Variants in CORO2A observed in about 807,000 individuals in gnomAD.
CORO2A encodes the protein coronin 2A.
In CORO2A, 47 loss-of-function variants were observed where a neutral mutation model predicts 62.4. That is an observed-to-expected ratio of 0.75 (90% confidence interval 0.60 to 0.96). The LOEUF is 0.96. Ranked by LOEUF, CORO2A falls within the 40% of genes least tolerant of loss-of-function variation. The pLI is 0.00. For synonymous variants in CORO2A, 273 were observed against 268.9 expected (o/e 1.02, Z -0.15); for missense variants, 610 against 684.1 (o/e 0.89, Z 1.21).
At chr9:98,173,867 A>G (rs1483499509) in intron 1 of CORO2A, among the ~76,000 whole-genome samples, 2 of 152,216 alleles carry the variant, frequency 1.3e-5, no homozygotes, top group East Asian at 1.9e-4. Context: ...CTGTAATCTC[A>G]GCACTTTGGG....
At position 98,121,506 on chromosome 9, in the gene CORO2A, TC is replaced by T. The variant is rs1827244987; in HGVS notation, c.*3267del. On this transcript the variant is annotated 3_prime_UTR_variant, in exon 12 of 12. Transcript: ENST00000375077. The stretch of plus-strand genomic sequence containing the variant: ...CTGTGAAATAATTTAAATAATTTAT[TC>T]TAGATGTAAAAATAATAATACAAAA... 6.6e-6 allele frequency: 1 copy of T among 152,242 alleles called. No homozygotes were observed. The highest frequency in any genetic ancestry group is 2.4e-5 in the African/African-American group (1 of 41,456). The allele number at this position is 152,242 out of a possible 1,614,324, so 9.4% of individuals were successfully genotyped here. A position where few individuals can be genotyped will look rare whatever the true frequency, so the allele number is the denominator to read the frequency against.
Position 98,128,600 on chromosome 9 carries a change from C to T in CORO2A, c.1080+7G>A. The T allele has an allele frequency of 6.2e-7, 1 of 1,612,900 alleles. No homozygotes were observed. ...CCTGCCTCCCATGCGGTCCCGACTG[C>T]CCTTACCCGCCGGGGCACAATCATG... On this transcript the variant is annotated splice_region_variant and intron_variant, in intron 9 of 11. Coordinates refer to ENST00000375077, the MANE Select transcript of CORO2A (RefSeq NM_052820.4).
At chr9:98,128,456 C>G (rs117118825) in intron 9 of CORO2A, 151 bp downstream of exon 9, 10,884 of 764,480 alleles carry the variant, frequency 0.014, 165 homozygotes, top group Middle Eastern at 0.024. Context: ...GGACTCCTGA[C>G]GCCCACTGAT....
intron 2 of CORO2A, among the ~76,000 whole-genome samples, chr9:98,156,235 T>A (rs1429231090): frequency 6.6e-6 from 1 of 152,140 alleles, no homozygotes; most frequent in Non-Finnish European, 1.5e-5. Flanking sequence ...AGATGGGGTT[T>A]CACCATGTTG....
intron 1 of CORO2A, among the ~76,000 whole-genome samples, chr9:98,190,554 G>A (rs117406970): frequency 0.012 from 1,821 of 152,274 alleles, 19 homozygotes; most frequent in Non-Finnish European, 0.02. Context: ...CCCCTCTGGC[G>A]ACAGGGGATG....
intron 7 of CORO2A, 49 bp downstream of exon 7, chr9:98,130,906 C>G (rs549955792): frequency 6.7e-7 from 1 of 1,482,962 alleles, no homozygotes; most frequent in Non-Finnish European, 9.3e-7. Context: ...TGCTGTCTGC[C>G]GCTGTCTCAG....
intron 2 of CORO2A, among the ~76,000 whole-genome samples, chr9:98,139,828 T>C (rs1299360171): frequency 6.6e-6 from 1 of 152,164 alleles, no homozygotes; most frequent in Non-Finnish European, 1.5e-5. Context: ...AATTTTCTGG[T>C]ATGTGAATTC....
chr9:98,160,544 C>G (rs1262668316), intron 1 of CORO2A, among the ~76,000 whole-genome samples: 1 of 152,170 alleles, frequency 6.6e-6, no homozygotes, highest in East Asian at 1.9e-4. Context: ...GAAATGGGTA[C>G]TGGGGGTCCC....
intron 1 of CORO2A, among the ~76,000 whole-genome samples, chr9:98,185,478 C>T (rs1453760595): frequency 6.6e-6 from 1 of 152,238 alleles, no homozygotes; most frequent in African/African-American, 2.4e-5. Flanking sequence ...TCTTCAGAGG[C>T]CTGGGTTCTT....
At chr9:98,177,441 A>G (rs148299045) in intron 1 of CORO2A, among the ~76,000 whole-genome samples, 1 of 147,802 alleles carries the variant, frequency 6.8e-6, no homozygotes, top group East Asian at 2.0e-4. Context: ...GGTTAGAGCA[A>G]TGGGCTCCAA....
In CORO2A at chr9:98,121,037, CTATT is replaced by C. The variant is rs1371202843; in HGVS notation, c.*3733_*3736del. On this transcript the variant is annotated 3_prime_UTR_variant, in exon 12 of 12. Coordinates refer to ENST00000375077, the MANE Select transcript of CORO2A (RefSeq NM_052820.4). Reference sequence around the variant, plus strand: ...ATTATTTCCATTGCATATTCCACATCTATTTATTTTCACTTTTATTTATTATCAT... The same window carrying C: ...ATTATTTCCATTGCATATTCCACATCTATTTTCACTTTTATTTATTATCAT... 7 of 152,314 alleles carry C rather than the reference CTATT, an allele frequency of 4.6e-5. No homozygotes were observed. Among genetic ancestry groups the C allele is most frequent in the African/African-American group, 1.4e-4 (6 of 41,570 alleles). 9.4% of individuals were successfully genotyped at this position (152,314 alleles called of 1,614,324 possible).
At chr9:98,164,719 G>A (rs1472459455) in intron 1 of CORO2A, among the ~76,000 whole-genome samples, 1 of 152,164 alleles carries the variant, frequency 6.6e-6, no homozygotes, top group Non-Finnish European at 1.5e-5. Flanking sequence ...GTGATACAGT[G>A]GGATCCAGTG....
Position 98,133,188 on chromosome 9 carries a change from C to T in CORO2A, c.498G>A (p.Glu166=), listed in dbSNP as rs1827435699. ...KVMIWNLDTK[E]SVITSPMSTI... is the part of the protein sequence containing the mutation. Reference sequence around the variant, plus strand: ...TACTCATGGGGCTTGTGATGACAGACTCCTTTGTATCCAGGTTCCAGATCA... The same window carrying T: ...TACTCATGGGGCTTGTGATGACAGATTCCTTTGTATCCAGGTTCCAGATCA... The change falls in exon 5 of 12, where the codon GAG becomes GAA. Residue 166 remains glutamate, a synonymous_variant. Transcript: ENST00000375077. The T allele has an allele frequency of 6.2e-7, 1 of 1,614,220 alleles. No individual in the cohort carries two copies. The highest frequency in any genetic ancestry group is 1.1e-5 in the South Asian group (1 of 91,086).
At chr9:98,154,096 T>C (rs1489840776) in intron 2 of CORO2A, among the ~76,000 whole-genome samples, 1 of 152,090 alleles carries the variant, frequency 6.6e-6, no homozygotes, top group Non-Finnish European at 1.5e-5. Context: ...TGCTAGTAAT[T>C]TGGCATCCAT....
chr9:98,172,145 G>A (rs73657112), intron 1 of CORO2A, among the ~76,000 whole-genome samples: 4,935 of 152,026 alleles, frequency 0.032, 185 homozygotes, highest in African/African-American at 0.097. Flanking sequence ...AGAGTCCCCA[G>A]ATATGACTGA....
intron 3 of CORO2A, among the ~76,000 whole-genome samples, chr9:98,137,142 A>G (rs1827498137): frequency 6.6e-6 from 1 of 152,150 alleles, no homozygotes. Flanking sequence ...AAGCTGCTGG[A>G]ATGGTTTTAG....
chr9:98,155,691 C>A (rs1222129584), intron 2 of CORO2A, among the ~76,000 whole-genome samples: 2 of 152,160 alleles, frequency 1.3e-5, no homozygotes, highest in African/African-American at 4.8e-5. Context: ...CTTTAAAGAA[C>A]TATTCAGGCT....
At chr9:98,165,854 C>T (rs1827952223) in intron 1 of CORO2A, among the ~76,000 whole-genome samples, 1 of 152,174 alleles carries the variant, frequency 6.6e-6, no homozygotes, top group African/African-American at 2.4e-5. Flanking sequence ...GCCTCCTTCC[C>T]CAGACCTACT....
At chr9:98,131,205 G>A (rs974119326) in intron 6 of CORO2A, 146 bp from the exon 7 acceptor site, 50 of 607,710 alleles carry the variant, frequency 8.2e-5, no homozygotes, top group African/African-American at 2.0e-4. Context: ...ATGTGTGTGC[G>A]GGGGGAAGAT....
Sources: allele counts gnomAD v4.1 joint callset (sites outside exome capture counted in the v4.1 genomes callset), GRCh38; gene constraint gnomAD v4.1.1; transcripts MANE v1.5; gene names NCBI Gene and HGNC (gene_info 2026-07-23, HGNC 2026-07-21).